ARHGEF10: variants seen among roughly 807,000 people sequenced by gnomAD.
ARHGEF10 encodes Rho guanine nucleotide exchange factor (GEF) 10.
A neutral mutation model predicts 147.4 loss-of-function variants in ARHGEF10; 140 were observed. That is an observed-to-expected ratio of 0.95 (90% CI 0.83 to 1.09). The LOEUF is 1.09. Among genes scored for constraint, ARHGEF10 ranks in the 50% least tolerant of loss-of-function variants. ARHGEF10 has a pLI of 0.00. For synonymous variants in ARHGEF10, 902 were observed against 695.8 expected, an observed-to-expected ratio of 1.30 and a Z score of -4.67; for missense variants, 2,222 against 1,752.7, an observed-to-expected ratio of 1.27 and a Z score of -4.78.
intron 11 of ARHGEF10, among the ~76,000 whole-genome samples, chr8:1,888,684 AGACACTGAATAGGGTGAGGTTTGTGAG>A (rs1809033517): frequency 9.8e-6 from 1 of 101,662 alleles, no homozygotes; most frequent in Non-Finnish European, 1.9e-5. Context: ...GTTTGTGAGG[AGACACTGAATAGGGTGAGGTTTGTGAG>A]GAGACACTGA....
At chr8:1,870,789 GTC>G (rs1156265853) in intron 7 of ARHGEF10, 3 of 152,172 alleles carry the variant, frequency 2.0e-5, no homozygotes, top group African/African-American at 7.2e-5. Context: ...TAAGAAAACT[GTC>G]TCTGCTATTG....
chr8:1,909,570 C>G, intron 18 of ARHGEF10, 100 bp downstream of exon 18: 2 of 1,494,708 alleles, frequency 1.3e-6, no homozygotes, highest in Non-Finnish European at 1.8e-6. Flanking sequence ...TCAGCAGGTT[C>G]AGGGTTTAAC....
chr8:1,890,083 A>AGG (rs1809338753), intron 11 of ARHGEF10, among the ~76,000 whole-genome samples: 2 of 145,238 alleles, frequency 1.4e-5, no homozygotes, highest in Admixed American at 1.4e-4. Flanking sequence ...GTGTGGTGTG[A>AGG]GGGGTCTGTG....
chr8:1,873,286 A>G lies in ARHGEF10; in HGVS notation c.680-3285A>G, dbSNP rs3824136. On this transcript the variant is annotated intron_variant, in intron 7 of 28. Transcript: ENST00000349830. ...CTGCAGGAGGGCACCGTGCAGAAGT[A>G]TCCAGTAAACCACCCACAGCACGGC... Among the ~76,000 whole-genome samples the G allele has an allele frequency of 5.9e-3, 893 of 152,356 alleles. 62 individuals carry two copies. The East Asian group carries it at 0.14, about 25-fold the overall frequency.
At chr8:1,930,272 C>G (rs1813018718) in intron 25 of ARHGEF10, among the ~76,000 whole-genome samples, 1 of 152,086 alleles carries the variant, frequency 6.6e-6, no homozygotes, top group African/African-American at 2.4e-5. Flanking sequence ...GGAGCGACGC[C>G]TTGGCGGGTC....
In ARHGEF10 at chr8:1,923,016, G is replaced by T. The variant is rs146291427; in HGVS notation, c.2196G>T (p.Leu732Phe). ...GQLYQDLQNL[L>F]HDLNVIGQIT... ...TGTATCAAGATTTACAAAACTTGTT[G>T]CATGACTTAAATGTAATTGGCCAAA... The change falls in exon 19 of 29, where the codon TTG becomes TTT. Residue 732 changes from leucine to phenylalanine, a missense_variant. Transcript: ENST00000349830. 1.4e-5 allele frequency: 23 copies of T among 1,613,594 alleles called. No homozygotes were observed. The African/African-American group carries it at 1.6e-4, about 11-fold the overall frequency.
At chr8:1,846,059 A>G (rs1316563802) in intron 2 of ARHGEF10, among the ~76,000 whole-genome samples, 2 of 152,196 alleles carry the variant, frequency 1.3e-5, no homozygotes, top group Non-Finnish European at 2.9e-5. Context: ...GCTGGTCACT[A>G]GCTCCAGGCT....
In ARHGEF10 at chr8:1,857,950, T is replaced by G. The variant is rs138713415; in HGVS notation, c.38-10T>G. On this transcript the variant is annotated splice_polypyrimidine_tract_variant and intron_variant, in intron 2 of 28. Transcript: ENST00000349830. ...TCTCTCCTTGATGTGGTTTTGGTTT[T>G]TCTTTTTAGAAAATGAAATGAAATA... 1 of 1,594,772 alleles carries G rather than the reference T, an allele frequency of 6.3e-7. No homozygotes were observed. Among genetic ancestry groups the G allele is most frequent in the Non-Finnish European group, 8.6e-7 (1 of 1,166,940 alleles).
intron 10 of ARHGEF10, among the ~76,000 whole-genome samples, chr8:1,884,534 G>A (rs534940676): frequency 2.7e-4 from 41 of 152,278 alleles, no homozygotes; most frequent in South Asian, 2.5e-3. Context: ...AAAACAGGCT[G>A]GTGCCAGGCC....
rs1453979935 is a variant in ARHGEF10, at chr8:1,855,556, AC to A, written c.38-2402del. Among the ~76,000 whole-genome samples, 5 of 144,156 alleles carry A rather than the reference AC, an allele frequency of 3.5e-5. No homozygotes were observed. In the East Asian group the frequency reaches 1.0e-3, roughly 29 times the overall value. The allele number at this position is 144,156 out of a possible 152,430, so 94.6% of individuals were successfully genotyped here. ...GCCTTCACCCCAGGCTAATTTTTGT[AC>A]CTTTTTTTTTTTTTAAGAGACGGGG... On this transcript the variant is annotated intron_variant, in intron 2 of 28. Transcript: ENST00000349830.
chr8:1,913,849 A>G (rs1222997758), intron 18 of ARHGEF10, among the ~76,000 whole-genome samples: 1 of 152,198 alleles, frequency 6.6e-6, no homozygotes, highest in Non-Finnish European at 1.5e-5. Flanking sequence ...AACAAGACAC[A>G]GTCATTATGA....
chr8:1,921,454 C>T (rs1017618299), intron 18 of ARHGEF10, among the ~76,000 whole-genome samples: 7 of 152,330 alleles, frequency 4.6e-5, no homozygotes, highest in African/African-American at 1.4e-4. Flanking sequence ...CCAGGCCAGG[C>T]ACGGTGGCTC....
intron 4 of ARHGEF10, among the ~76,000 whole-genome samples, chr8:1,863,428 G>GTTTGAGAAAACGGT (rs1242466093): frequency 2.6e-5 from 4 of 152,240 alleles, no homozygotes; most frequent in Admixed American, 2.6e-4. Context: ...TTTGAAAACG[G>GTTTGAGAAAACGGT]TTGAGAACTG....
At chr8:1,850,458 A>G (rs1164203484) in intron 2 of ARHGEF10, among the ~76,000 whole-genome samples, 1 of 135,966 alleles carries the variant, frequency 7.4e-6, no homozygotes, top group Non-Finnish European at 1.6e-5. Flanking sequence ...GGTGTGGGGC[A>G]ACCGCGTGGG....
chr8:1,926,239 T>G, intron 22 of ARHGEF10, 138 bp from the exon 23 acceptor site: 2 of 764,924 alleles, frequency 2.6e-6, no homozygotes, highest in Non-Finnish European at 2.3e-6. Flanking sequence ...TCCTCCCTAT[T>G]TTAATCTTTG....
At chr8:1,905,533 C>T (rs1001557311) in intron 16 of ARHGEF10, 38 bp from the exon 17 acceptor site, 2 of 1,614,036 alleles carry the variant, frequency 1.2e-6, no homozygotes, top group African/African-American at 2.7e-5. Flanking sequence ...TCCGGGTAAA[C>T]TGAACTGTGG....
rs1585567046 is a variant in ARHGEF10 at position 1,926,876 on chromosome 8, G to A, written c.2697+413G>A. On this transcript the variant is annotated intron_variant, in intron 23 of 28. Coordinates refer to ENST00000349830, the MANE Select transcript of ARHGEF10 (RefSeq NM_014629.4). ...AATGAAATATTGCATCTGAAATTAG[G>A]CTGGAATTGCAGTAGACGTTCCTGG... 1.3e-5 allele frequency: 4 copies of A among 307,244 alleles called. No homozygotes were observed. The East Asian group carries it at 3.6e-4, about 28-fold the overall frequency. The allele number at this position is 307,244 out of a possible 1,614,324, so 19.0% of individuals were successfully genotyped here. A position where few individuals can be genotyped will look rare whatever the true frequency, so the allele number is the denominator to read the frequency against.
chr8:1,829,820 C>T (rs1221155122), intron 1 of ARHGEF10, among the ~76,000 whole-genome samples: 1 of 152,150 alleles, frequency 6.6e-6, no homozygotes, highest in African/African-American at 2.4e-5. Context: ...GAAGAACGCG[C>T]GGCGAGGCCC....
intron 27 of ARHGEF10, among the ~76,000 whole-genome samples, chr8:1,951,577 C>T (rs1270940864): frequency 6.6e-6 from 1 of 152,184 alleles, no homozygotes; most frequent in Non-Finnish European, 1.5e-5. Flanking sequence ...GGTTGTTTTT[C>T]ATGCTCTTTA....
Sources: allele counts gnomAD v4.1 joint callset (sites outside exome capture counted in the v4.1 genomes callset), GRCh38; gene constraint gnomAD v4.1.1; transcripts MANE v1.5; gene names NCBI Gene and HGNC (gene_info 2026-07-23, HGNC 2026-07-21).